The following ADAMTSL1 variants were observed in gnomAD, a reference collection of about 807,000 sequenced individuals.
ADAMTSL1 encodes the protein ADAMTS-like protein 1.
In ADAMTSL1, 126 loss-of-function variants were observed where a neutral mutation model predicts 201.8. The ratio of observed to expected loss-of-function variants is 0.62; its 90% CI spans 0.54 to 0.72. The LOEUF (loss-of-function observed/expected upper bound fraction) is 0.72, where lower values mean the gene tolerates loss of function less well. Among genes scored for constraint, ADAMTSL1 ranks in the 30% least tolerant of loss-of-function variants. The pLI is 0.00. For missense variants in ADAMTSL1, 2,679 were observed against 2,277.8 expected (o/e 1.18, Z -3.59); for synonymous variants, 1,121 against 903.4 (o/e 1.24, Z -4.32).
At chr9:18,860,390 C>A (rs1429907032) in intron 23 of ADAMTSL1, among the ~76,000 whole-genome samples, 3 of 152,116 alleles carry the variant, frequency 2.0e-5, no homozygotes, top group African/African-American at 7.2e-5. Context: ...TGGGGCACAG[C>A]CCCACCCATT....
chr9:18,681,804 C>G lies in ADAMTSL1; in HGVS notation c.1342-8C>G, dbSNP rs771035074. 75 of 1,598,086 alleles carry G rather than the reference C, an allele frequency of 4.7e-5. 1 individual carries two copies. Among genetic ancestry groups the G allele is most frequent in the Non-Finnish European group, 6.0e-5 (70 of 1,171,414 alleles). Reference sequence around the variant, plus strand: ...ACGAGTCTCCTCTCTCTTGCAATCTCTTTCCAGTGCACAGTGACATGTGGC... The same window carrying G: ...ACGAGTCTCCTCTCTCTTGCAATCTGTTTCCAGTGCACAGTGACATGTGGC... On this transcript the variant is annotated splice_region_variant and splice_polypyrimidine_tract_variant and intron_variant, in intron 11 of 28. Transcript: ENST00000380548.
chr9:17,982,109 G>C (rs904197541), intron 1 of ADAMTSL1, among the ~76,000 whole-genome samples: 11 of 152,068 alleles, frequency 7.2e-5, no homozygotes, highest in African/African-American at 2.7e-4. Context: ...TTTAAATACT[G>C]GTGTTCCTCT....
At position 18,189,124 on chromosome 9, in the gene ADAMTSL1, G is replaced by A. The variant is rs538929697; in HGVS notation, c.207+25143G>A. Among the ~76,000 whole-genome samples, 3 of 152,228 alleles carry A rather than the reference G, an allele frequency of 2.0e-5. No homozygotes were observed. In the South Asian group the frequency reaches 6.2e-4, roughly 32 times the overall value. On this transcript the variant is annotated intron_variant, in intron 2 of 29. Coordinates refer to the ADAMTSL1 transcript ENST00000680146. ...TTATATTTCCCACCAGCTAATTGGA[G>A]ACAGGCGTTAAGAGGAAGGAATTAG... is the stretch of plus-strand genomic sequence containing the variant.
intron 23 of ADAMTSL1, among the ~76,000 whole-genome samples, chr9:18,836,223 A>G (rs922221906): frequency 6.6e-6 from 1 of 151,940 alleles, no homozygotes; most frequent in Non-Finnish European, 1.5e-5. Flanking sequence ...ATGGTATCTC[A>G]TTGTCTTCTT....
At chr9:18,622,212 G>A (rs1190840506) in intron 4 of ADAMTSL1, 31 bp from the exon 5 acceptor site, 1 of 1,610,062 alleles carries the variant, frequency 6.2e-7, no homozygotes, top group East Asian at 2.2e-5. Context: ...GTAGGTGCTT[G>A]GTTGAATTAC....
At chr9:18,641,205 T>C (rs1827414087) in intron 7 of ADAMTSL1, among the ~76,000 whole-genome samples, 1 of 152,086 alleles carries the variant, frequency 6.6e-6, no homozygotes, top group Non-Finnish European at 1.5e-5. Context: ...TATTTCTTCT[T>C]CAAGATCTCC....
intron 7 of ADAMTSL1, among the ~76,000 whole-genome samples, chr9:18,657,284 C>G (rs1828748318): frequency 6.6e-6 from 1 of 152,130 alleles, no homozygotes; most frequent in South Asian, 2.1e-4. Context: ...ATTTCTGAAT[C>G]TACATTTTAA....
At chr9:17,972,511 G>T (rs1459151662) in intron 1 of ADAMTSL1, among the ~76,000 whole-genome samples, 1 of 151,668 alleles carries the variant, frequency 6.6e-6, no homozygotes, top group Non-Finnish European at 1.5e-5. Flanking sequence ...TTTTATGGCT[G>T]CATAGTATTC....
intron 2 of ADAMTSL1, among the ~76,000 whole-genome samples, chr9:18,306,347 A>T (rs937351287): frequency 1.3e-5 from 2 of 152,204 alleles, no homozygotes; most frequent in Non-Finnish European, 2.9e-5. Context: ...AATGAGTTTG[A>T]CGAATTGACA....
intron 2 of ADAMTSL1, among the ~76,000 whole-genome samples, chr9:18,318,567 T>C (rs991160312): frequency 3.9e-5 from 6 of 152,204 alleles, no homozygotes; most frequent in African/African-American, 1.4e-4. Context: ...TATACATTCC[T>C]AATTCTTTCT....
At chr9:18,418,352 G>A (rs1488771596) in intron 2 of ADAMTSL1, among the ~76,000 whole-genome samples, 1 of 152,080 alleles carries the variant, frequency 6.6e-6, no homozygotes, top group Non-Finnish European at 1.5e-5. Context: ...ATTGTACTGG[G>A]AGTCCTAGCC....
At chr9:18,293,966 GA>G (rs888862937) in intron 2 of ADAMTSL1, among the ~76,000 whole-genome samples, 3 of 152,114 alleles carry the variant, frequency 2.0e-5, no homozygotes, top group African/African-American at 7.2e-5. Context: ...AAATAACAGG[GA>G]AAATATTTCC....
intron 2 of ADAMTSL1, among the ~76,000 whole-genome samples, chr9:18,286,595 TG>T (rs1300750843): frequency 2.2e-4 from 12 of 54,906 alleles, no homozygotes; most frequent in Non-Finnish European, 3.0e-4. Flanking sequence ...ATCATTTTAA[TG>T]CAGCAGTCCA....
chr9:18,406,610 C>T (rs568223075), intron 2 of ADAMTSL1, among the ~76,000 whole-genome samples: 8 of 152,218 alleles, frequency 5.3e-5, no homozygotes, highest in East Asian at 1.9e-4. Context: ...GGATTACAGG[C>T]GTGAGCCACC....
chr9:18,447,197 GA>G (rs1820224539), intron 2 of ADAMTSL1, among the ~76,000 whole-genome samples: 1 of 152,146 alleles, frequency 6.6e-6, no homozygotes, highest in African/African-American at 2.4e-5. Context: ...ATATAGTAAT[GA>G]AAGTCAGTGT....
intron 2 of ADAMTSL1, among the ~76,000 whole-genome samples, chr9:18,509,190 C>A (rs1587410879): frequency 1.5e-4 from 3 of 20,452 alleles, no homozygotes; most frequent in Non-Finnish European, 2.2e-4. Flanking sequence ...GACTCCGTCT[C>A]AAAAAAAAAA....
chr9:18,437,090 G>C (rs1372010972), intron 2 of ADAMTSL1, among the ~76,000 whole-genome samples: 1 of 151,648 alleles, frequency 6.6e-6, no homozygotes, highest in Non-Finnish European at 1.5e-5. Flanking sequence ...TCTTGGACAA[G>C]GCAATTCTCG....
intron 4 of ADAMTSL1, among the ~76,000 whole-genome samples, chr9:18,593,001 G>T (rs1824024159): frequency 6.6e-6 from 1 of 151,948 alleles, no homozygotes; most frequent in Non-Finnish European, 1.5e-5. Context: ...TTACTTTCTT[G>T]ATATCTTTTT....
chr9:18,245,615 A>T (rs1342114553), intron 2 of ADAMTSL1, among the ~76,000 whole-genome samples: 1 of 152,072 alleles, frequency 6.6e-6, no homozygotes, highest in African/African-American at 2.4e-5. Context: ...AGGATTGGAG[A>T]AGAGAGTAGG....
Sources: gnomAD v4.1 joint callset for allele counts (sites outside exome capture counted in the v4.1 genomes callset) on GRCh38, gnomAD v4.1.1 for gene constraint, MANE v1.5 for transcripts, NCBI Gene and HGNC (gene_info 2026-07-23, HGNC 2026-07-21) for gene names.